Variants in FAM135A observed in about 807,000 individuals in gnomAD.
FAM135A encodes protein FAM135A.
Under a neutral mutation model 146.8 loss-of-function variants are expected in FAM135A, and 79 were observed. The observed-to-expected ratio is 0.54, with a 90% CI of 0.45 to 0.65. FAM135A has a LOEUF of 0.65. FAM135A is among the 30% of genes least tolerant of loss of function. The pLI is 0.00. For synonymous variants in FAM135A, 562 were observed against 603.6 expected, an observed-to-expected ratio of 0.93 and a Z score of 1.01; for missense variants, 1,623 against 1,758.2, an observed-to-expected ratio of 0.92 and a Z score of 1.38.
rs377370304 is a variant in FAM135A, at chr6:70,528,370, C to G, written c.3693C>G (p.Ser1231=). 3.6e-5 allele frequency: 58 copies of G among 1,613,584 alleles called. No individual in the cohort carries two copies. Among genetic ancestry groups the G allele is most frequent in the Non-Finnish European group, 4.4e-5 (52 of 1,179,780 alleles). ...ACAGTGAAGTTCCTCTGCTGGCATCCTCAGTACCTTATTTTAGTGTAGAAG... is the reference window on the plus strand; with the variant it reads ...ACAGTGAAGTTCCTCTGCTGGCATCGTCAGTACCTTATTTTAGTGTAGAAG... ...FMYSEVPLLA[S]SVPYFSVEEE... Residue 1231 remains serine, a synonymous_variant, in exon 16 of 22, where the codon TCC becomes TCG. Coordinates refer to ENST00000418814, the MANE Select transcript of FAM135A (RefSeq NM_001162529.3).
chr6:70,544,602 A>C (rs1304537567), intron 20 of FAM135A, among the ~76,000 whole-genome samples: 1 of 151,736 alleles, frequency 6.6e-6, no homozygotes, highest in Non-Finnish European at 1.5e-5. Context: ...TTAGCTAGGC[A>C]TGGTCATGTG....
Position 70,502,661 on chromosome 6 carries a change from C to A in FAM135A, c.899C>A (p.Ala300Glu). 6.2e-7 allele frequency: 1 copy of A among 1,610,516 alleles called. No homozygotes were observed. The highest frequency in any genetic ancestry group is 8.5e-7 in the Non-Finnish European group (1 of 1,178,468). ...AAAATAGAGAATCCTGATGAACTGG[C>A]AGAACTTATAAATATGAATCTTGCG... ...VKKIENPDEL[A>E]ELINMNLAQL... The change falls in exon 12 of 22, where the codon GCA becomes GAA. Residue 300 changes from alanine (A) to glutamate (E), a missense_variant. Around this residue, in one of 7 missense-constraint regions of FAM135A, gnomAD observed 206 missense variants for 194.7 expected, o/e 1.06. Transcript: ENST00000418814.
chr6:70,481,475 C>T (rs1562495543), intron 9 of FAM135A, among the ~76,000 whole-genome samples: 1 of 151,868 alleles, frequency 6.6e-6, no homozygotes, highest in Non-Finnish European at 1.5e-5. Flanking sequence ...ATAGCAAGAC[C>T]CCACCTCTAC....
At chr6:70,549,672 A>T (rs1048460928) in intron 20 of FAM135A, among the ~76,000 whole-genome samples, 5 of 152,210 alleles carry the variant, frequency 3.3e-5, no homozygotes, top group African/African-American at 1.2e-4. Context: ...GCTAATGATT[A>T]TCTGAGCCTT....
chr6:70,426,693 G>A (rs1230037965), intron 3 of FAM135A, 161 bp downstream of exon 3: 2 of 152,238 alleles, frequency 1.3e-5, no homozygotes, highest in Admixed American at 1.3e-4. Flanking sequence ...GGCAGGACAT[G>A]AGAGTCATGG....
chr6:70,435,677 GC>G (rs1450427895), intron 4 of FAM135A, among the ~76,000 whole-genome samples: 4 of 152,030 alleles, frequency 2.6e-5, no homozygotes, highest in Admixed American at 1.3e-4. Context: ...GCGTCACCAT[GC>G]CCTGTAACAC....
rs755629162 is a variant in FAM135A at position 70,526,247 on chromosome 6, T to G, written c.3163T>G (p.Cys1055Gly). The change falls in exon 15 of 22, where the codon TGT (cysteine) becomes GGT (glycine). Residue 1055 changes from cysteine (C) to glycine (G), a missense_variant. Physicochemically the swap from Cys to Gly is radical, Grantham distance 159 (BLOSUM62 -3). Around this residue, in one of 7 missense-constraint regions of FAM135A, gnomAD observed 1,061 missense variants for 1,113.8 expected, o/e 0.95. Coordinates refer to ENST00000418814, the MANE Select transcript of FAM135A (RefSeq NM_001162529.3). ...AAGCAGTACGGATATTTCTGACACA[T>G]GTGCTGTTAGCTACAGCAATGCACT... is the stretch of plus-strand genomic sequence containing the variant. ...SQSSTDISDT[C>G]AVSYSNALSP... 1 of 1,613,538 alleles carries G rather than the reference T, an allele frequency of 6.2e-7. No homozygotes were observed. The highest frequency in any genetic ancestry group is 1.1e-5 in the South Asian group (1 of 91,064).
intron 4 of FAM135A, among the ~76,000 whole-genome samples, chr6:70,447,975 C>T (rs1043549094): frequency 1.3e-5 from 2 of 151,956 alleles, no homozygotes; most frequent in Admixed American, 6.6e-5. Flanking sequence ...ATATGCTTTC[C>T]CGAATTTAAA....
intron 5 of FAM135A, among the ~76,000 whole-genome samples, chr6:70,457,203 T>C (rs1467854196): frequency 1.3e-5 from 2 of 152,216 alleles, no homozygotes; most frequent in Non-Finnish European, 2.9e-5. Context: ...GTTTTGTCTT[T>C]AGTAATTTAT....
At chr6:70,521,359 A>G (rs780192178) in intron 12 of FAM135A, among the ~76,000 whole-genome samples, 5 of 152,234 alleles carry the variant, frequency 3.3e-5, no homozygotes, top group African/African-American at 4.8e-5. Context: ...AATCATCTTA[A>G]TAGCCAGACA....
chr6:70,489,486 G>C (rs555329909), intron 10 of FAM135A, among the ~76,000 whole-genome samples: 17 of 152,220 alleles, frequency 1.1e-4, no homozygotes, highest in Admixed American at 1.1e-3. Flanking sequence ...GTTACCGGGT[G>C]GGGTACAGCG....
At chr6:70,483,726 A>G (rs989217209) in intron 10 of FAM135A, among the ~76,000 whole-genome samples, 2 of 152,224 alleles carry the variant, frequency 1.3e-5, no homozygotes, top group African/African-American at 4.8e-5. Context: ...AATGAAGGAC[A>G]GTATCATGTG....
At chr6:70,419,658 T>C (rs915456537) in intron 2 of FAM135A, among the ~76,000 whole-genome samples, 1 of 152,224 alleles carries the variant, frequency 6.6e-6, no homozygotes, top group Non-Finnish European at 1.5e-5. Flanking sequence ...AGATCTGGAA[T>C]GTCAGTCTCA....
At position 70,524,718 on chromosome 6, in the gene FAM135A, G is replaced by A. The variant is rs955433513; in HGVS notation, c.1634G>A (p.Ser545Asn). ...TGCTTTGAAGGCAATCCTTCACATA[G>A]TCAGAAGGAAGGTCTGGATCCCACA... ...IKCFEGNPSH[S>N]QKEGLDPTIC... is the part of the protein sequence containing the mutation. The change falls in exon 15 of 22, where the codon AGT (serine) becomes AAT (asparagine). Residue 545 changes from serine (S) to asparagine (N), a missense_variant. Around this residue, in one of 7 missense-constraint regions of FAM135A, gnomAD observed 1,061 missense variants for 1,113.8 expected, o/e 0.95. Transcript: ENST00000418814. 6.5e-7 allele frequency: 1 copy of A among 1,549,908 alleles called. No individual in the cohort carries two copies. Among genetic ancestry groups the A allele is most frequent in the Non-Finnish European group, 8.7e-7 (1 of 1,146,480 alleles).
intron 4 of FAM135A, among the ~76,000 whole-genome samples, chr6:70,433,600 A>G (rs1772263208): frequency 6.6e-6 from 1 of 151,568 alleles, no homozygotes; most frequent in South Asian, 2.1e-4. Context: ...AAGCTTGTCC[A>G]CGCGTTTGTG....
In FAM135A at chr6:70,525,464, G is replaced by T. The variant is rs768975210; in HGVS notation, c.2380G>T (p.Gly794Trp). Residue 794 changes from glycine (G) to tryptophan (W), a missense_variant, in exon 15 of 22, where the codon GGG (glycine) becomes TGG (tryptophan). Gly to Trp is a radical substitution (Grantham distance 184). Coordinates refer to ENST00000418814, the MANE Select transcript of FAM135A (RefSeq NM_001162529.3). ...NTDLVFETVQ[G>W]QGPCNSERLF... ...TGATTTAGTCTTTGAAACTGTGCAA[G>T]GGCAAGGTCCTTGCAATAGTGAAAG... is the stretch of plus-strand genomic sequence containing the variant. The T allele has an allele frequency of 6.2e-7, 1 of 1,612,784 alleles. No individual in the cohort carries two copies. Among genetic ancestry groups the T allele is most frequent in the Admixed American group, 1.7e-5 (1 of 59,864 alleles).
At chr6:70,467,833 AAT>A (rs1439283800) in intron 5 of FAM135A, among the ~76,000 whole-genome samples, 3 of 152,100 alleles carry the variant, frequency 2.0e-5, no homozygotes, top group African/African-American at 7.2e-5. Context: ...TCATGAATGT[AAT>A]ATCTTCTCTA....
intron 16 of FAM135A, 143 bp from the exon 17 acceptor site, chr6:70,533,017 G>C (rs1275353883): frequency 3.1e-6 from 2 of 652,524 alleles, no homozygotes; most frequent in Admixed American, 3.3e-5. Context: ...CATAAAAATT[G>C]AGAACTCTAT....
chr6:70,495,004 A>T (rs1480909203), intron 11 of FAM135A, among the ~76,000 whole-genome samples: 1 of 152,186 alleles, frequency 6.6e-6, no homozygotes, highest in Non-Finnish European at 1.5e-5. Context: ...TAATAATGCA[A>T]GTTTCAGCTT....
Sources: gnomAD v4.1 joint callset for allele counts (sites outside exome capture counted in the v4.1 genomes callset) on GRCh38, gnomAD v4.1.1 for gene constraint, gnomAD v4.1.1 regional missense constraint, MANE v1.5 for transcripts, NCBI Gene and HGNC (gene_info 2026-07-23, HGNC 2026-07-21) for gene names.